The following ASXL2 variants were observed in gnomAD, a reference collection of about 807,000 sequenced individuals.
The protein encoded by ASXL2 is putative Polycomb group protein ASXL2.
Under a neutral mutation model 122.0 loss-of-function variants are expected in ASXL2, and 23 were observed. That is an observed-to-expected ratio of 0.19 (90% CI 0.14 to 0.27). ASXL2 has a LOEUF of 0.27. Among genes scored for constraint, ASXL2 ranks in the 10% least tolerant of loss-of-function variants. The probability of loss-of-function intolerance (pLI) is 1.00; values close to 1 mark genes in which losing one functional copy is unlikely to be tolerated. For missense variants in ASXL2, 1,518 were observed against 1,713.8 expected (o/e 0.89, Z 2.02); for synonymous variants, 650 against 637.0 (o/e 1.02, Z -0.31).
chr2:25,826,762 TAAAAAAAAAAAA>T (rs55765302), intron 3 of ASXL2, among the ~76,000 whole-genome samples: 1 of 68,088 alleles, frequency 1.5e-5, no homozygotes, highest in Admixed American at 2.2e-4. Context: ...ACTTTCAAGG[TAAAAAAAAAAAA>T]AAAAAAAAAA....
At chr2:25,806,463 C>T in intron 3 of ASXL2, 126 bp from the exon 4 acceptor site, 3 of 566,226 alleles carry the variant, frequency 5.3e-6, no homozygotes, top group Non-Finnish European at 9.1e-6. Context: ...ATCTTATAAA[C>T]TATAAGAAGT....
At chr2:25,812,426 CT>C (rs2089183895) in intron 3 of ASXL2, among the ~76,000 whole-genome samples, 1 of 152,110 alleles carries the variant, frequency 6.6e-6, no homozygotes, top group Non-Finnish European at 1.5e-5. Context: ...CGCCATTGCA[CT>C]CCAGCCTGGG....
In ASXL2 at chr2:25,743,781, A is replaced by G; in HGVS notation, c.2556T>C (p.Asp852=). ...GACCTGCTTTGAGCTCAACTGTGCC[A>G]TCAGCTGCACAATGAACAGGTGAGG... ...SGASPVHCAA[D]GTVELKAGPS... The change falls in exon 13 of 13, where the codon GAT becomes GAC. Residue 852 remains aspartate (D), a synonymous_variant. Coordinates refer to ENST00000435504, the MANE Select transcript of ASXL2 (RefSeq NM_018263.6). 6.2e-7 allele frequency: 1 copy of G among 1,614,056 alleles called. No homozygotes were observed. The highest frequency in any genetic ancestry group is 8.5e-7 in the Non-Finnish European group (1 of 1,179,900).
intron 5 of ASXL2, among the ~76,000 whole-genome samples, chr2:25,786,611 T>C (rs2088752108): frequency 6.6e-6 from 1 of 152,096 alleles, no homozygotes. Flanking sequence ...CCCAGCACTT[T>C]GAGAGGCTAA....
intron 1 of ASXL2, among the ~76,000 whole-genome samples, chr2:25,868,837 T>C (rs1213567687): frequency 1.3e-5 from 2 of 152,102 alleles, no homozygotes; most frequent in African/African-American, 2.4e-5. Context: ...AAGACCAGCA[T>C]GAGCAACATG....
intron 4 of ASXL2, among the ~76,000 whole-genome samples, chr2:25,802,308 C>T (rs958447511): frequency 1.3e-5 from 2 of 152,192 alleles, no homozygotes; most frequent in African/African-American, 4.8e-5. Context: ...ATAATGTGAG[C>T]TTCAAGAGCT....
chr2:25,757,674 CAAAAAA>C (rs60732948), intron 9 of ASXL2, among the ~76,000 whole-genome samples: 6 of 35,818 alleles, frequency 1.7e-4, no homozygotes, highest in Non-Finnish European at 2.3e-4. Context: ...GACTCCATCT[CAAAAAA>C]AAAAAAAAAA....
intron 3 of ASXL2, among the ~76,000 whole-genome samples, chr2:25,812,931 A>G (rs939481267): frequency 4.6e-5 from 7 of 152,250 alleles, no homozygotes; most frequent in African/African-American, 1.7e-4. Context: ...GTTTTTACAA[A>G]TGAAGAAACT....
chr2:25,852,917 G>C (rs1004471703), intron 1 of ASXL2, among the ~76,000 whole-genome samples: 25 of 152,168 alleles, frequency 1.6e-4, no homozygotes, highest in Non-Finnish European at 7.3e-5. Context: ...CAGATGTGAG[G>C]GGATTTAGCA....
At chr2:25,803,568 G>A (rs2089031929) in intron 4 of ASXL2, among the ~76,000 whole-genome samples, 4 of 152,204 alleles carry the variant, frequency 2.6e-5, no homozygotes, top group African/African-American at 2.4e-5. Context: ...CAACCTTTCT[G>A]CATCAGGGAC....
At chr2:25,773,103 G>T (rs2088484054) in intron 5 of ASXL2, among the ~76,000 whole-genome samples, 1 of 151,950 alleles carries the variant, frequency 6.6e-6, no homozygotes, top group East Asian at 1.9e-4. Flanking sequence ...CAGGCACTCA[G>T]GAGGCTGAGC....
At chr2:25,812,874 T>C (rs1249849486) in intron 3 of ASXL2, among the ~76,000 whole-genome samples, 1 of 152,234 alleles carries the variant, frequency 6.6e-6, no homozygotes, top group Non-Finnish European at 1.5e-5. Context: ...GGAAGCATTT[T>C]GTTTAGTCCT....
intron 1 of ASXL2, among the ~76,000 whole-genome samples, chr2:25,874,916 C>CA (rs1015142254): frequency 2.0e-4 from 27 of 137,448 alleles, no homozygotes; most frequent in African/African-American, 5.3e-4. Flanking sequence ...CCTCTCTCTA[C>CA]AAAAAAAAAT....
intron 2 of ASXL2, among the ~76,000 whole-genome samples, chr2:25,837,947 T>C (rs1420114483): frequency 2.4e-5 from 3 of 125,488 alleles, no homozygotes; most frequent in East Asian, 2.3e-4. Flanking sequence ...CAAAACCCTG[T>C]CTCTACAAAA....
intron 1 of ASXL2, among the ~76,000 whole-genome samples, chr2:25,873,650 A>C (rs1048302535): frequency 1.6e-4 from 24 of 151,960 alleles, no homozygotes; most frequent in African/African-American, 5.5e-4. Flanking sequence ...ATTAAAAAAA[A>C]AAACAAAAAA....
At chr2:25,873,685 T>C (rs992215883) in intron 1 of ASXL2, among the ~76,000 whole-genome samples, 11 of 111,060 alleles carry the variant, frequency 9.9e-5, no homozygotes, top group African/African-American at 3.8e-4. Flanking sequence ...CTACAAATTA[T>C]ATTCCAAAGA....
intron 5 of ASXL2, 24 bp from the exon 6 acceptor site, chr2:25,771,564 A>C (rs1171467705): frequency 1.9e-6 from 3 of 1,587,732 alleles, no homozygotes; most frequent in Non-Finnish European, 2.6e-6. Flanking sequence ...AGTGACAATA[A>C]AAGATTTTTG....
At chr2:25,756,465 GAA>G (rs71399321) in intron 9 of ASXL2, among the ~76,000 whole-genome samples, 3 of 91,420 alleles carry the variant, frequency 3.3e-5, no homozygotes, top group African/African-American at 1.2e-4. Flanking sequence ...AAAAAAAAAA[GAA>G]AAAAAAAAGA....
chr2:25,758,845 T>C (rs1297645517), intron 9 of ASXL2, among the ~76,000 whole-genome samples: 1 of 152,194 alleles, frequency 6.6e-6, no homozygotes, highest in South Asian at 2.1e-4. Flanking sequence ...GATCTATTTA[T>C]TTATCTGGAC....
Sources: allele counts gnomAD v4.1 joint callset (sites outside exome capture counted in the v4.1 genomes callset), GRCh38; gene constraint gnomAD v4.1.1; transcripts MANE v1.5; gene names NCBI Gene and HGNC (gene_info 2026-07-23, HGNC 2026-07-21).